Variants in CRACD observed in about 807,000 individuals in gnomAD.
CRACD encodes capping protein-inhibiting regulator of actin dynamics.
Under a neutral mutation model 106.8 loss-of-function variants are expected in CRACD, and 56 were observed. The observed-to-expected ratio is 0.52, with a 90% CI of 0.42 to 0.66. The LOEUF (loss-of-function observed/expected upper bound fraction) is 0.66. CRACD is among the 30% of genes least tolerant of loss of function. The pLI is 0.00. For missense variants in CRACD, 1,730 were observed against 1,623.2 expected, an observed-to-expected ratio of 1.07 and a Z score of -1.13; for synonymous variants, 754 against 670.8, an observed-to-expected ratio of 1.12 and a Z score of -1.92.
chr4:56,186,940 C>G (rs1737117016), intron 2 of CRACD, among the ~76,000 whole-genome samples: 1 of 152,046 alleles, frequency 6.6e-6, no homozygotes, highest in South Asian at 2.1e-4. Context: ...ATGGCGCACC[C>G]CTGTGGTCCC....
intron 2 of CRACD, among the ~76,000 whole-genome samples, chr4:56,184,563 G>T (rs993203238): frequency 6.6e-6 from 1 of 152,202 alleles, no homozygotes; most frequent in Non-Finnish European, 1.5e-5. Flanking sequence ...TTGCCTTTTG[G>T]TTATCTAGCT....
chr4:56,267,357 C>T (rs550544151), intron 2 of CRACD, among the ~76,000 whole-genome samples: 1 of 152,086 alleles, frequency 6.6e-6, no homozygotes, highest in East Asian at 1.9e-4. Flanking sequence ...CTCCTGACCT[C>T]GTGATCCGCC....
intron 2 of CRACD, among the ~76,000 whole-genome samples, chr4:56,197,116 G>T (rs1246311546): frequency 1.3e-5 from 2 of 151,962 alleles, no homozygotes; most frequent in African/African-American, 4.8e-5. Flanking sequence ...ATATTACATT[G>T]AATAAGTCCT....
chr4:56,105,361 C>T (rs906020664), intron 1 of CRACD, among the ~76,000 whole-genome samples: 2 of 152,108 alleles, frequency 1.3e-5, no homozygotes, highest in Admixed American at 6.5e-5. Flanking sequence ...TAGCCGAGCG[C>T]GGTAGCATAC....
intron 3 of CRACD, among the ~76,000 whole-genome samples, chr4:56,273,421 C>CCCTT (rs1490256000): frequency 7.0e-6 from 1 of 141,970 alleles, no homozygotes; most frequent in Non-Finnish European, 1.5e-5. Flanking sequence ...TCCCTTTCTT[C>CCCTT]CCTTCCTTCC....
intron 1 of CRACD, among the ~76,000 whole-genome samples, chr4:56,075,717 C>T (rs78684196): frequency 0.041 from 6,172 of 152,192 alleles, 420 homozygotes; most frequent in African/African-American, 0.14. Flanking sequence ...TAAATGGCAT[C>T]GTATAATATC....
chr4:56,113,229 T>C (rs531202028), intron 1 of CRACD, among the ~76,000 whole-genome samples: 1 of 152,354 alleles, frequency 6.6e-6, no homozygotes, highest in South Asian at 2.1e-4. Context: ...ATTGCTGTAG[T>C]CTGCTGTTTA....
intron 1 of CRACD, among the ~76,000 whole-genome samples, chr4:56,136,666 A>G (rs1735011221): frequency 6.6e-6 from 1 of 152,162 alleles, no homozygotes; most frequent in African/African-American, 2.4e-5. Context: ...TATTGGAAAG[A>G]TATTTTACAA....
At chr4:56,125,634 C>T (rs1241459896) in intron 1 of CRACD, among the ~76,000 whole-genome samples, 1 of 152,036 alleles carries the variant, frequency 6.6e-6, no homozygotes, top group African/African-American at 2.4e-5. Context: ...CCAGGTTTGT[C>T]TTGCATTCTT....
intron 2 of CRACD, among the ~76,000 whole-genome samples, chr4:56,244,743 A>T (rs57401141): frequency 6.6e-6 from 1 of 152,180 alleles, no homozygotes; most frequent in Non-Finnish European, 1.5e-5. Flanking sequence ...GTGGGCCTCC[A>T]GGACCCTGCC....
intron 1 of CRACD, among the ~76,000 whole-genome samples, chr4:56,100,175 G>A (rs1419689683): frequency 2.0e-5 from 3 of 152,082 alleles, no homozygotes; most frequent in Admixed American, 6.5e-5. Flanking sequence ...CTCGGGAAGC[G>A]GAGGTTGCAG....
chr4:56,206,221 A>C (rs533955239), intron 2 of CRACD, among the ~76,000 whole-genome samples: 114 of 152,338 alleles, frequency 7.5e-4, no homozygotes, highest in African/African-American at 2.5e-3. Flanking sequence ...TAGCATAAAT[A>C]ACATAATTTA....
At chr4:56,243,811 C>T (rs891862865) in intron 2 of CRACD, among the ~76,000 whole-genome samples, 2 of 152,060 alleles carry the variant, frequency 1.3e-5, no homozygotes, top group Non-Finnish European at 2.9e-5. Flanking sequence ...TAAGAATGTA[C>T]AATTAATGTT....
chr4:56,310,544 G>A (rs13123803), intron 5 of CRACD, 122 bp from the exon 6 acceptor site: 472,137 of 693,164 alleles, frequency 0.68, 166,543 homozygotes, highest in Middle Eastern at 0.78. Flanking sequence ...CTGGCTCTCT[G>A]AGGCCAGCTG....
chr4:56,172,727 G>C (rs956904234), intron 1 of CRACD, among the ~76,000 whole-genome samples: 1 of 151,836 alleles, frequency 6.6e-6, no homozygotes, highest in East Asian at 1.9e-4. Context: ...GGGTTCAAGC[G>C]ATTCTCTTGC....
chr4:56,308,178 T>C (rs1462395240), intron 5 of CRACD, among the ~76,000 whole-genome samples: 1 of 152,178 alleles, frequency 6.6e-6, no homozygotes, highest in Non-Finnish European at 1.5e-5. Context: ...TGCCTAATTA[T>C]TTGTCCAAGT....
At chr4:56,219,551 G>A (rs942849161) in intron 2 of CRACD, among the ~76,000 whole-genome samples, 5 of 152,124 alleles carry the variant, frequency 3.3e-5, no homozygotes, top group Admixed American at 6.6e-5. Context: ...GTTTTGCTAC[G>A]TTGGCCAGGC....
intron 3 of CRACD, among the ~76,000 whole-genome samples, chr4:56,295,751 A>AC (rs1038381253): frequency 1.4e-5 from 2 of 148,130 alleles, no homozygotes; most frequent in African/African-American, 5.0e-5. Context: ...GAAGTCATTT[A>AC]CCCCTTCTCT....
chr4:56,064,177 C>T (rs1044844340), intron 1 of CRACD, among the ~76,000 whole-genome samples: 1 of 152,146 alleles, frequency 6.6e-6, no homozygotes, highest in Non-Finnish European at 1.5e-5. Flanking sequence ...GTCCTTCACC[C>T]ATTTTTGAAT....
Sources: gnomAD v4.1 joint callset for allele counts (sites outside exome capture counted in the v4.1 genomes callset) on GRCh38, gnomAD v4.1.1 for gene constraint, MANE v1.5 for transcripts, NCBI Gene and HGNC (gene_info 2026-07-23, HGNC 2026-07-21) for gene names.